SLC25A13: variants seen among roughly 807,000 people sequenced by gnomAD.
SLC25A13 encodes electrogenic aspartate/glutamate antiporter SLC25A13, mitochondrial.
A neutral mutation model predicts 85.5 loss-of-function variants in SLC25A13; 70 were observed. That is an observed-to-expected ratio of 0.82 (90% CI 0.68 to 1.00). The LOEUF (loss-of-function observed/expected upper bound fraction) is 1.00, where lower values mean the gene tolerates loss of function less well. Among genes scored for constraint, SLC25A13 ranks in the 50% least tolerant of loss-of-function variants. SLC25A13 has a pLI of 0.00. For missense variants in SLC25A13, 765 were observed against 819.8 expected (o/e 0.93, Z 0.82); for synonymous variants, 259 against 288.7 (o/e 0.90, Z 1.04).
chr7:96,223,296 T>C (rs974755429), intron 4 of SLC25A13, among the ~76,000 whole-genome samples: 1 of 152,208 alleles, frequency 6.6e-6, no homozygotes, highest in African/African-American at 2.4e-5. Context: ...AACTTTAAAA[T>C]TGCACGTAAA....
At chr7:96,251,496 G>C (rs1205580126) in intron 3 of SLC25A13, among the ~76,000 whole-genome samples, 5 of 152,192 alleles carry the variant, frequency 3.3e-5, no homozygotes, top group Non-Finnish European at 5.9e-5. Context: ...GGTCATGCCT[G>C]CGTCTGGTTA....
chr7:96,284,876 G>A (rs1798826951), intron 2 of SLC25A13, among the ~76,000 whole-genome samples: 1 of 152,174 alleles, frequency 6.6e-6, no homozygotes. Flanking sequence ...CCAGTCTCAG[G>A]TATGCCTTTA....
In SLC25A13 at chr7:96,247,415, C is replaced by T. The variant is rs116619981; in HGVS notation, c.213-12498G>A. 2.1e-3 allele frequency among the ~76,000 whole-genome samples: 313 copies of T among 152,052 alleles called. 2 individuals carry two copies. The highest frequency in any genetic ancestry group is 7.3e-3 in the African/African-American group (302 of 41,470). Reference sequence around the variant, plus strand: ...TTGAATTTGCAGAAATTTCTGATGACGTAAGAGAACTCAGACCAAGTTTCA... The same window carrying T: ...TTGAATTTGCAGAAATTTCTGATGATGTAAGAGAACTCAGACCAAGTTTCA... On this transcript the variant is annotated intron_variant, in intron 3 of 17. Transcript: ENST00000265631.
chr7:96,121,532 A>G lies in SLC25A13; in HGVS notation c.1841+123T>C, dbSNP rs546444418. The G allele has an allele frequency of 4.3e-6, 6 of 1,385,574 alleles. No individual in the cohort carries two copies. The African/African-American group carries it at 7.1e-5, about 16-fold the overall frequency. 85.8% of individuals were successfully genotyped at this position (1,385,574 alleles called of 1,614,324 possible). The stretch of plus-strand genomic sequence containing the variant: ...CCTTGGAAATGACCTTGTTAACACA[A>G]TTTCAACATTTCCCTAAATCTCTTC... On this transcript the variant is annotated intron_variant, in intron 17 of 17. Transcript: ENST00000265631.
intron 13 of SLC25A13, among the ~76,000 whole-genome samples, chr7:96,167,806 A>T (rs1319486307): frequency 6.6e-6 from 1 of 152,170 alleles, no homozygotes; most frequent in Non-Finnish European, 1.5e-5. Context: ...GCTATTACTT[A>T]AAAAATGCAT....
At chr7:96,205,317 T>C (rs909127444) in intron 5 of SLC25A13, among the ~76,000 whole-genome samples, 15 of 152,236 alleles carry the variant, frequency 9.9e-5, no homozygotes, top group African/African-American at 3.4e-4. Context: ...AACTAGCGGC[T>C]ATAAAATTAG....
At chr7:96,200,291 C>T (rs773328947) in intron 5 of SLC25A13, among the ~76,000 whole-genome samples, 8 of 152,014 alleles carry the variant, frequency 5.3e-5, no homozygotes, top group Non-Finnish European at 1.0e-4. Context: ...TGTAGAAAGA[C>T]GATTTGCCTA....
chr7:96,173,141 A>T (rs1049745079), intron 11 of SLC25A13, among the ~76,000 whole-genome samples: 4 of 152,248 alleles, frequency 2.6e-5, no homozygotes, highest in African/African-American at 9.6e-5. Flanking sequence ...AAAGGGGGAA[A>T]ACTAAAAAGA....
intron 15 of SLC25A13, among the ~76,000 whole-genome samples, chr7:96,127,453 A>G (rs1292624864): frequency 2.0e-5 from 3 of 152,246 alleles, no homozygotes; most frequent in Non-Finnish European, 2.9e-5. Flanking sequence ...AACAAAAACA[A>G]AAACACCAAA....
At chr7:96,216,171 GA>G (rs1474155147) in intron 4 of SLC25A13, among the ~76,000 whole-genome samples, 1 of 149,934 alleles carries the variant, frequency 6.7e-6, no homozygotes, top group South Asian at 2.1e-4. Flanking sequence ...AAAAAAAAAA[GA>G]AAAAAAGAAA....
At chr7:96,226,482 A>T (rs1242871202) in intron 4 of SLC25A13, among the ~76,000 whole-genome samples, 3 of 152,100 alleles carry the variant, frequency 2.0e-5, no homozygotes, top group African/African-American at 7.2e-5. Flanking sequence ...CCTCTTTGAG[A>T]TCCTGATTTT....
intron 1 of SLC25A13, among the ~76,000 whole-genome samples, chr7:96,315,206 C>T (rs1388919722): frequency 1.3e-5 from 2 of 152,210 alleles, no homozygotes; most frequent in African/African-American, 4.8e-5. Flanking sequence ...CTACATACCC[C>T]TCCTTTGAAC....
At chr7:96,305,235 A>C (rs1199138682) in intron 1 of SLC25A13, among the ~76,000 whole-genome samples, 1 of 152,164 alleles carries the variant, frequency 6.6e-6, no homozygotes, top group African/African-American at 2.4e-5. Flanking sequence ...TTTAGACACT[A>C]ATTATAATAC....
rs190439248 is a variant in SLC25A13, at chr7:96,216,170, A to G, written c.329-7193T>C. Reference sequence around the variant, plus strand: ...GACTGTCTCAAAAGAAAAAAAAAAAAGAAAAAAAGAAAGTGTTAAAACACA... The same window carrying G: ...GACTGTCTCAAAAGAAAAAAAAAAAGGAAAAAAAGAAAGTGTTAAAACACA... On this transcript the variant is annotated intron_variant, in intron 4 of 17. Transcript: ENST00000265631. Among the ~76,000 whole-genome samples, 360 of 152,042 alleles carry G rather than the reference A, an allele frequency of 2.4e-3. 2 individuals are homozygous for G. The highest frequency in any genetic ancestry group is 8.1e-3 in the African/African-American group (336 of 41,478).
chr7:96,154,666 C>T (rs1463040938), intron 13 of SLC25A13, among the ~76,000 whole-genome samples: 1 of 152,138 alleles, frequency 6.6e-6, no homozygotes, highest in Admixed American at 6.5e-5. Context: ...ACTCCTTCTA[C>T]TTGTAGCTAG....
intron 5 of SLC25A13, 108 bp from the exon 6 acceptor site, chr7:96,193,291 A>C (rs1312687020): frequency 1.5e-6 from 2 of 1,370,846 alleles, no homozygotes; most frequent in African/African-American, 2.9e-5. Flanking sequence ...TTACATCTTG[A>C]TCTAACAAGC....
intron 13 of SLC25A13, among the ~76,000 whole-genome samples, chr7:96,155,477 G>A (rs1281222016): frequency 1.3e-5 from 2 of 152,224 alleles, no homozygotes; most frequent in East Asian, 3.9e-4. Context: ...TATAGGACCT[G>A]AAGGCTGTGG....
intron 11 of SLC25A13, among the ~76,000 whole-genome samples, chr7:96,175,022 T>C (rs1023845004): frequency 8.5e-5 from 13 of 152,128 alleles, no homozygotes; most frequent in African/African-American, 1.9e-4. Context: ...GGAACGCTAG[T>C]TGTCTCCACC....
chr7:96,186,033 C>G (rs957855061), intron 9 of SLC25A13, among the ~76,000 whole-genome samples: 1 of 152,090 alleles, frequency 6.6e-6, no homozygotes, highest in African/African-American at 2.4e-5. Context: ...CCCAGCCTGG[C>G]AAAAGTTGAT....
Sources: gnomAD v4.1 joint callset for allele counts (sites outside exome capture counted in the v4.1 genomes callset) on GRCh38, gnomAD v4.1.1 for gene constraint, MANE v1.5 for transcripts, NCBI Gene and HGNC (gene_info 2026-07-23, HGNC 2026-07-21) for gene names.